KSR2: variants seen among roughly 807,000 people sequenced by gnomAD.
KSR2 encodes kinase suppressor of ras 2.
Under a neutral mutation model 107.8 loss-of-function variants are expected in KSR2, and 25 were observed. The observed-to-expected ratio is 0.23, with a 90% CI of 0.17 to 0.32. The LOEUF is 0.32. Among genes scored for constraint, KSR2 ranks in the 10% least tolerant of loss-of-function variants. The pLI is 1.00. For missense variants in KSR2, 887 were observed against 1,268.9 expected, an observed-to-expected ratio of 0.70 and a Z score of 4.57; for synonymous variants, 480 against 507.0, an observed-to-expected ratio of 0.95 and a Z score of 0.71.
chr12:117,690,130 T>G (rs1885752770), intron 4 of KSR2, among the ~76,000 whole-genome samples: 1 of 152,190 alleles, frequency 6.6e-6, no homozygotes, highest in Non-Finnish European at 1.5e-5. Flanking sequence ...GTTTGGTCCA[T>G]GGCCACAGTC....
intron 6 of KSR2, among the ~76,000 whole-genome samples, chr12:117,579,942 T>C (rs1879541936): frequency 6.6e-6 from 1 of 152,144 alleles, no homozygotes; most frequent in Non-Finnish European, 1.5e-5. Context: ...ATTGCCAGGG[T>C]GCTTTCTTCC....
chr12:117,937,014 C>G (rs922324111), intron 1 of KSR2, among the ~76,000 whole-genome samples: 10 of 152,216 alleles, frequency 6.6e-5, no homozygotes, highest in African/African-American at 2.4e-4. Context: ...TATCTGGGCT[C>G]AGCCCACCCT....
At chr12:117,833,255 ACAT>A (rs1892053410) in intron 3 of KSR2, among the ~76,000 whole-genome samples, 1 of 152,174 alleles carries the variant, frequency 6.6e-6, no homozygotes, top group South Asian at 2.1e-4. Context: ...AATTCCTCAC[ACAT>A]GATGTGTCTA....
chr12:117,829,918 T>C (rs1891896646), intron 3 of KSR2, among the ~76,000 whole-genome samples: 2 of 152,350 alleles, frequency 1.3e-5, no homozygotes, highest in East Asian at 1.9e-4. Context: ...TAAAGATAGC[T>C]GGCCAGCATT....
intron 1 of KSR2, among the ~76,000 whole-genome samples, chr12:117,900,576 C>T (rs1274419821): frequency 1.4e-5 from 2 of 146,552 alleles, no homozygotes; most frequent in Non-Finnish European, 3.0e-5. Flanking sequence ...ATATATGTTG[C>T]ATCATACAGT....
chr12:117,836,455 T>A (rs982143231), intron 3 of KSR2, among the ~76,000 whole-genome samples: 2 of 152,172 alleles, frequency 1.3e-5, no homozygotes, highest in African/African-American at 4.8e-5. Context: ...CACAGCAAAG[T>A]CCCGCTCAGA....
chr12:117,832,440 AAC>A (rs1892012175), intron 3 of KSR2, among the ~76,000 whole-genome samples: 1 of 152,242 alleles, frequency 6.6e-6, no homozygotes, highest in Non-Finnish European at 1.5e-5. Flanking sequence ...CAGCGTCATC[AAC>A]AAAAGTAGCA....
chr12:117,796,722 A>T (rs1308164104), intron 3 of KSR2, among the ~76,000 whole-genome samples: 1 of 152,148 alleles, frequency 6.6e-6, no homozygotes, highest in African/African-American at 2.4e-5. Context: ...ACAAGATGCA[A>T]CTTACCTCTG....
chr12:117,953,270 G>T (rs1896417700), intron 1 of KSR2, among the ~76,000 whole-genome samples: 1 of 152,134 alleles, frequency 6.6e-6, no homozygotes, highest in Non-Finnish European at 1.5e-5. Flanking sequence ...CATTATGGTG[G>T]TTCCTCAAAA....
rs371202785 is a variant in KSR2 at position 117,905,218 on chromosome 12, A to C, written c.181-44787T>G. On this transcript the variant is annotated intron_variant, in intron 1 of 19. Transcript: ENST00000339824. The stretch of plus-strand genomic sequence containing the variant: ...AACATAACAAAACAAAACAAAATAT[A>C]ATGTGTATTCTTCCCGTAGGAGATA... Among the ~76,000 whole-genome samples the C allele has an allele frequency of 9.9e-5, 15 of 152,190 alleles. 1 individual carries two copies. The highest frequency in any genetic ancestry group is 3.4e-3 in the Middle Eastern group (1 of 294).
chr12:117,569,722 G>T (rs141777936), intron 7 of KSR2, among the ~76,000 whole-genome samples: 92 of 152,210 alleles, frequency 6.0e-4, no homozygotes, highest in African/African-American at 2.1e-3. Flanking sequence ...AGGCAAACTG[G>T]GATGGTTGAT....
At chr12:117,650,854 T>G (rs1883874988) in intron 5 of KSR2, among the ~76,000 whole-genome samples, 1 of 152,164 alleles carries the variant, frequency 6.6e-6, no homozygotes, top group African/African-American at 2.4e-5. Flanking sequence ...GAACCTCAAA[T>G]CTACTAAGAT....
intron 5 of KSR2, among the ~76,000 whole-genome samples, chr12:117,645,841 G>A (rs1412820773): frequency 6.7e-6 from 1 of 150,288 alleles, no homozygotes; most frequent in Non-Finnish European, 1.5e-5. Flanking sequence ...AAACAATTAT[G>A]TCTTCTGGAA....
intron 5 of KSR2, among the ~76,000 whole-genome samples, chr12:117,608,023 C>T (rs2136309458): frequency 6.6e-6 from 1 of 152,312 alleles, no homozygotes; most frequent in Admixed American, 6.5e-5. Context: ...GTAAGACAAC[C>T]ACCCCTTGAG....
chr12:117,527,326 G>GAC lies in KSR2; in HGVS notation c.1803-209_1803-208dup, dbSNP rs752222461. Among the ~76,000 whole-genome samples, 198 of 71,560 alleles carry GAC rather than the reference G, an allele frequency of 2.8e-3. 1 individual carries two copies. The highest frequency in any genetic ancestry group is 7.7e-3 in the Middle Eastern group (1 of 130). 46.9% of individuals were successfully genotyped at this position (71,560 alleles called of 152,430 possible). On this transcript the variant is annotated intron_variant, in intron 12 of 19. Transcript: ENST00000339824. ...AGACACACACACACACACACACACA[G>GAC]ACACACACACACACACACACAGACA...
chr12:117,679,210 T>C (rs1027363753), intron 4 of KSR2, among the ~76,000 whole-genome samples: 3 of 152,136 alleles, frequency 2.0e-5, no homozygotes, highest in African/African-American at 7.2e-5. Flanking sequence ...CATCGAACTT[T>C]AGGTTGCTAT....
At chr12:117,679,623 G>T (rs1885288518) in intron 4 of KSR2, among the ~76,000 whole-genome samples, 1 of 152,188 alleles carries the variant, frequency 6.6e-6, no homozygotes, top group Non-Finnish European at 1.5e-5. Flanking sequence ...TCTCAAATCA[G>T]ATGTGGTGAA....
intron 1 of KSR2, among the ~76,000 whole-genome samples, chr12:117,930,550 T>C (rs1418195314): frequency 1.3e-5 from 2 of 152,260 alleles, no homozygotes; most frequent in East Asian, 1.9e-4. Context: ...GGTAGCCACA[T>C]ACATAAAGCT....
At chr12:117,820,183 C>T (rs1338614568) in intron 3 of KSR2, among the ~76,000 whole-genome samples, 1 of 152,134 alleles carries the variant, frequency 6.6e-6, no homozygotes, top group Non-Finnish European at 1.5e-5. Flanking sequence ...CCCTACCCAG[C>T]TCTATGAGAG....
Sources: allele counts gnomAD v4.1 joint callset (sites outside exome capture counted in the v4.1 genomes callset), GRCh38; gene constraint gnomAD v4.1.1; transcripts MANE v1.5; gene names NCBI Gene and HGNC (gene_info 2026-07-23, HGNC 2026-07-21).